Variants in PNPLA7 observed in about 807,000 individuals in gnomAD.
PNPLA7 encodes patatin like domain 7, lysophospholipase, also known as patatin-like phospholipase domain-containing protein 7.
A neutral mutation model predicts 161.7 loss-of-function variants in PNPLA7; 153 were observed. That is an observed-to-expected ratio of 0.95 (90% CI 0.83 to 1.08). The LOEUF (loss-of-function observed/expected upper bound fraction) is 1.08. PNPLA7 is among the 50% of genes least tolerant of loss of function. The pLI is 0.00. For missense variants in PNPLA7, 1,739 were observed against 1,856.6 expected (o/e 0.94, Z 1.16); for synonymous variants, 809 against 782.1 (o/e 1.03, Z -0.57).
chr9:137,543,705 T>C lies in PNPLA7; in HGVS notation c.365+19A>G, dbSNP rs1251727865. 16 of 1,613,186 alleles carry C rather than the reference T, an allele frequency of 9.9e-6. No individual in the cohort carries two copies. Among genetic ancestry groups the C allele is most frequent in the African/African-American group, 2.7e-5 (2 of 74,894 alleles). ...GGGGGGCACCTGGGGCAGGATGTGG[T>C]CTGAAGGACACACAGTACCTCTTGG... On this transcript the variant is annotated intron_variant, in intron 5 of 34. Coordinates refer to ENST00000406427, the MANE Select transcript of PNPLA7 (RefSeq NM_001098537.3). This position sits in a 1 kb window ranked among gnomAD's most constrained non-coding sequence, Gnocchi z 6.9.
At chr9:137,463,015 G>A (rs1191310427) in intron 29 of PNPLA7, 182 bp from the exon 30 acceptor site, 15 of 841,942 alleles carry the variant, frequency 1.8e-5, no homozygotes, top group Non-Finnish European at 2.7e-5. Flanking sequence ...ACACGGCTGT[G>A]TCCTGGGCCT....
At chr9:137,502,968 A>G (rs1833576617) in intron 14 of PNPLA7, among the ~76,000 whole-genome samples, 1 of 151,928 alleles carries the variant, frequency 6.6e-6, no homozygotes, top group South Asian at 2.1e-4. Flanking sequence ...GGGTGCAGAG[A>G]AAACAAGGTG....
chr9:137,473,874 C>T (rs1831822487), intron 25 of PNPLA7, among the ~76,000 whole-genome samples: 1 of 152,152 alleles, frequency 6.6e-6, no homozygotes. Flanking sequence ...ATACAACTGC[C>T]CCACGACCGG....
intron 21 of PNPLA7, among the ~76,000 whole-genome samples, chr9:137,482,616 G>A (rs905292619): frequency 6.6e-6 from 1 of 152,238 alleles, no homozygotes; most frequent in Non-Finnish European, 1.5e-5. Context: ...GGTCTCCTCC[G>A]TGACAGAGTG....
chr9:137,503,171 T>C (rs1284886846), intron 14 of PNPLA7, among the ~76,000 whole-genome samples: 3 of 151,920 alleles, frequency 2.0e-5, no homozygotes, highest in Admixed American at 6.6e-5. Flanking sequence ...CACTAGAGGC[T>C]AGGAGTTCAA....
rs1294210579 is a variant in PNPLA7, at chr9:137,500,822, G to A, written c.1626C>T (p.Thr542=). The A allele has an allele frequency of 5.6e-6, 9 of 1,605,898 alleles. No individual in the cohort carries two copies. The highest frequency in any genetic ancestry group is 7.6e-6 in the Non-Finnish European group (9 of 1,177,638). ...CCCCGGGGCGCGTGAGGAACAAGCA[G>A]GTGTCCTCCTGGCTGCCGATCTTCC... ...YQRKIGSQED[T]CLFLTRPGEM... Residue 542 remains threonine, a synonymous_variant, in exon 16 of 35, where the codon ACC becomes ACT. Transcript: ENST00000406427. This position sits in a 1 kb window ranked among gnomAD's most constrained non-coding sequence, Gnocchi z 5.5.
chr9:137,548,420 T>C (rs943900238), intron 1 of PNPLA7, among the ~76,000 whole-genome samples: 4 of 152,090 alleles, frequency 2.6e-5, no homozygotes, highest in African/African-American at 7.2e-5. Flanking sequence ...CACCCCCGCC[T>C]CACTGCAGAG....
At chr9:137,516,310 A>G in intron 11 of PNPLA7, 1 of 983,740 alleles carries the variant, frequency 1.0e-6, no homozygotes, top group Non-Finnish European at 1.2e-6. Flanking sequence ...CCCTCAGGTG[A>G]AACGAGGAAG....
chr9:137,500,587 A>G lies in PNPLA7; in HGVS notation c.1757+104T>C. 1 of 1,060,248 alleles carries G rather than the reference A, an allele frequency of 9.4e-7. No individual in the cohort carries two copies. The highest frequency in any genetic ancestry group is 1.5e-5 in the South Asian group (1 of 65,372). The allele number at this position is 1,060,248 out of a possible 1,614,324, so 65.7% of individuals were successfully genotyped here. On this transcript the variant is annotated intron_variant, in intron 16 of 34. Coordinates refer to ENST00000406427, the MANE Select transcript of PNPLA7 (RefSeq NM_001098537.3). This position sits in a 1 kb window ranked among gnomAD's most constrained non-coding sequence, Gnocchi z 5.5. ...GGACAAAGAGGGGAGCCCGAGAAGC[A>G]GGGAAGAGGGTGAGAGCACCAGGAA...
At chr9:137,515,678 C>G (rs929874455) in intron 11 of PNPLA7, among the ~76,000 whole-genome samples, 159 bp from the exon 12 acceptor site, 1 of 151,658 alleles carries the variant, frequency 6.6e-6, no homozygotes, top group African/African-American at 2.4e-5. Flanking sequence ...CTGCATCTGC[C>G]GGGCCAGCAG....
intron 25 of PNPLA7, among the ~76,000 whole-genome samples, chr9:137,477,098 C>T (rs1223097087): frequency 6.6e-6 from 1 of 152,234 alleles, no homozygotes; most frequent in African/African-American, 2.4e-5. Context: ...GGACCCCCGC[C>T]CAGGCACCCC....
At chr9:137,464,630 G>A (rs1317560463) in intron 26 of PNPLA7, 174 bp from the exon 27 acceptor site, 4 of 637,322 alleles carry the variant, frequency 6.3e-6, no homozygotes, top group Admixed American at 2.6e-5. Context: ...AGTGAGCAGA[G>A]GCTGGTGGTC....
In PNPLA7 at chr9:137,541,515, C is replaced by T; in HGVS notation, c.667-793G>A. On this transcript the variant is annotated intron_variant, in intron 7 of 34. Transcript: ENST00000406427. The surrounding 1 kb of genome is among the most constrained non-coding windows in gnomAD (Gnocchi z 4.4). ...GGATCACAGCCCACTCCCGGGACCA[C>T]AGCTGGCAGGAGCCCTGCAGGTCAG... The T allele has an allele frequency of 2.0e-6, 2 of 985,336 alleles. No individual in the cohort carries two copies. Among genetic ancestry groups the T allele is most frequent in the African/African-American group, 1.7e-5 (1 of 57,378 alleles). The allele number at this position is 985,336 out of a possible 1,614,324, so 61.0% of individuals were successfully genotyped here.
At chr9:137,519,074 G>A (rs572912223) in intron 11 of PNPLA7, among the ~76,000 whole-genome samples, 2 of 139,862 alleles carry the variant, frequency 1.4e-5, no homozygotes, top group South Asian at 4.5e-4. Context: ...ATTCCACTCT[G>A]TCCACTCCAT....
At position 137,547,213 on chromosome 9, in the gene PNPLA7, G is replaced by A. The variant is rs1402802515; in HGVS notation, c.193+96C>T. On this transcript the variant is annotated intron_variant, in intron 3 of 34. Coordinates refer to ENST00000406427, the MANE Select transcript of PNPLA7 (RefSeq NM_001098537.3). The surrounding 1 kb of genome is among the most constrained non-coding windows in gnomAD (Gnocchi z 4.6). ...ATCAGATTCTAGCCAAAGCCACCATGCGCTTGAGGGCCCCTCCCAGGGGCT... is the reference window on the plus strand; with the variant it reads ...ATCAGATTCTAGCCAAAGCCACCATACGCTTGAGGGCCCCTCCCAGGGGCT... 1.1e-5 allele frequency: 13 copies of A among 1,207,962 alleles called. No individual in the cohort carries two copies. The highest frequency in any genetic ancestry group is 9.3e-5 in the East Asian group (4 of 42,960). The allele number at this position is 1,207,962 out of a possible 1,614,324, so 74.8% of individuals were successfully genotyped here. A position where few individuals can be genotyped will look rare whatever the true frequency, so the allele number is the denominator to read the frequency against.
At chr9:137,483,464 T>A (rs866391555) in intron 21 of PNPLA7, among the ~76,000 whole-genome samples, 26 of 152,332 alleles carry the variant, frequency 1.7e-4, no homozygotes, top group South Asian at 6.2e-4. Context: ...CTTTCATTTA[T>A]TTATTTTTGA....
At chr9:137,512,025 C>T (rs980273965) in intron 12 of PNPLA7, among the ~76,000 whole-genome samples, 1 of 152,210 alleles carries the variant, frequency 6.6e-6, no homozygotes, top group African/African-American at 2.4e-5. Context: ...GCCTTCAGGG[C>T]CACTACCGGA....
intron 20 of PNPLA7, among the ~76,000 whole-genome samples, chr9:137,489,251 C>A (rs1027550448): frequency 3.3e-5 from 5 of 152,234 alleles, no homozygotes; most frequent in African/African-American, 1.2e-4. Flanking sequence ...AGAATGCAGC[C>A]TTCACACTGG....
In PNPLA7 at chr9:137,478,206, A is replaced by C. The variant is rs1832032978; in HGVS notation, c.2764-54T>G. The stretch of plus-strand genomic sequence containing the variant: ...GTGCAGGGCCCCACCCTCGGCCGAG[A>C]CCTCGCATCCTGGCTTGACTGGGGG... On this transcript the variant is annotated intron_variant, in intron 24 of 34. Transcript: ENST00000406427. 1.2e-5 allele frequency: 14 copies of C among 1,216,300 alleles called. No homozygotes were observed. In the South Asian group the frequency reaches 4.3e-4, roughly 37 times the overall value. The allele number at this position is 1,216,300 out of a possible 1,614,324, so 75.3% of individuals were successfully genotyped here.
Sources: allele counts gnomAD v4.1 joint callset (sites outside exome capture counted in the v4.1 genomes callset), GRCh38; gene constraint gnomAD v4.1.1; non-coding constraint Gnocchi (gnomAD v3.1); transcripts MANE v1.5; gene names NCBI Gene and HGNC (gene_info 2026-07-23, HGNC 2026-07-21).